RSRC1: variants seen among roughly 807,000 people sequenced by gnomAD.
RSRC1 encodes arginine and serine rich coiled-coil 1.
Under a neutral mutation model 49.1 loss-of-function variants are expected in RSRC1, and 39 were observed. That is an observed-to-expected ratio of 0.79 (90% confidence interval 0.61 to 1.04). The LOEUF (loss-of-function observed/expected upper bound fraction) is 1.04. RSRC1 is among the 50% of genes least tolerant of loss of function. The pLI is 0.00. For synonymous variants in RSRC1, 143 were observed against 130.8 expected, an observed-to-expected ratio of 1.09 and a Z score of -0.63; for missense variants, 388 against 402.4, an observed-to-expected ratio of 0.96 and a Z score of 0.31.
At chr3:158,181,156 G>A (rs1719603712) in intron 3 of RSRC1, among the ~76,000 whole-genome samples, 1 of 152,168 alleles carries the variant, frequency 6.6e-6, no homozygotes, top group Non-Finnish European at 1.5e-5. Flanking sequence ...CTAGGGATGA[G>A]AATCATTGAA....
chr3:158,157,779 G>T (rs1216432416), intron 3 of RSRC1, among the ~76,000 whole-genome samples: 2 of 152,114 alleles, frequency 1.3e-5, no homozygotes, highest in African/African-American at 4.8e-5. Flanking sequence ...GCCGGGCATG[G>T]TGGCACATGC....
chr3:158,132,824 A>G (rs1204470988), intron 3 of RSRC1, among the ~76,000 whole-genome samples: 1 of 152,208 alleles, frequency 6.6e-6, no homozygotes, highest in East Asian at 1.9e-4. Flanking sequence ...ATTTATTTGT[A>G]ATCCTTCAAT....
intron 6 of RSRC1, among the ~76,000 whole-genome samples, chr3:158,423,934 C>T (rs1348900442): frequency 6.6e-6 from 1 of 150,892 alleles, no homozygotes; most frequent in Non-Finnish European, 1.5e-5. Flanking sequence ...TATCCTGAGA[C>T]TTTGCTGAAG....
At chr3:158,342,438 TTCC>T (rs1367761083) in intron 5 of RSRC1, among the ~76,000 whole-genome samples, 4 of 152,168 alleles carry the variant, frequency 2.6e-5, no homozygotes, top group Non-Finnish European at 4.4e-5. Flanking sequence ...CTGCTTTTGC[TTCC>T]TCCTCATTTT....
At chr3:158,467,965 G>A (rs895016026) in intron 7 of RSRC1, among the ~76,000 whole-genome samples, 18 of 152,280 alleles carry the variant, frequency 1.2e-4, no homozygotes, top group African/African-American at 3.4e-4. Context: ...ACGGAGTCTC[G>A]CTCTGTCGCC....
intron 5 of RSRC1, among the ~76,000 whole-genome samples, chr3:158,321,267 TTCTTCC>T (rs1422754217): frequency 6.7e-4 from 80 of 119,476 alleles, no homozygotes; most frequent in African/African-American, 2.1e-3. Flanking sequence ...CTTCTTTTTC[TTCTTCC>T]TCTTCCTCTT....
At chr3:158,516,791 T>A (rs1327077911) in intron 7 of RSRC1, among the ~76,000 whole-genome samples, 1 of 152,036 alleles carries the variant, frequency 6.6e-6, no homozygotes, top group East Asian at 1.9e-4. Flanking sequence ...CGGGATATAA[T>A]CTCCTGGTGC....
intron 7 of RSRC1, among the ~76,000 whole-genome samples, chr3:158,483,887 A>G (rs1356468001): frequency 6.6e-6 from 1 of 152,084 alleles, no homozygotes; most frequent in Non-Finnish European, 1.5e-5. Flanking sequence ...TGGGAAATAA[A>G]TTTGGCAGAA....
chr3:158,518,388 T>C (rs923042990), intron 7 of RSRC1, among the ~76,000 whole-genome samples: 2 of 151,102 alleles, frequency 1.3e-5, no homozygotes, highest in African/African-American at 2.4e-5. Flanking sequence ...TTTTTTTTTG[T>C]CAAATGATTC....
At chr3:158,187,301 A>G (rs1051697754) in intron 3 of RSRC1, among the ~76,000 whole-genome samples, 2 of 152,024 alleles carry the variant, frequency 1.3e-5, no homozygotes, top group African/African-American at 4.8e-5. Flanking sequence ...ATCCTTGGTA[A>G]TAATAGGGGA....
intron 3 of RSRC1, chr3:158,132,041 T>C (rs1484800858): frequency 2.5e-6 from 1 of 394,644 alleles, no homozygotes; most frequent in Non-Finnish European, 5.3e-6. Flanking sequence ...TGGAGTGCAG[T>C]GGTGCAATCT....
intron 3 of RSRC1, among the ~76,000 whole-genome samples, chr3:158,132,650 T>C (rs1452898748): frequency 1.3e-5 from 2 of 152,210 alleles, no homozygotes; most frequent in African/African-American, 4.8e-5. Context: ...AACATCTAAG[T>C]AGTAAATGTC....
At chr3:158,219,630 T>C (rs554587127) in intron 4 of RSRC1, among the ~76,000 whole-genome samples, 1 of 151,622 alleles carries the variant, frequency 6.6e-6, no homozygotes, top group South Asian at 2.1e-4. Context: ...TGCCACAGGA[T>C]TTTTGACTTG....
At chr3:158,241,559 G>A (rs1723580567) in intron 4 of RSRC1, among the ~76,000 whole-genome samples, 1 of 151,220 alleles carries the variant, frequency 6.6e-6, no homozygotes, top group African/African-American at 2.4e-5. Flanking sequence ...CTAAAATCCT[G>A]CAGAGCTTAA....
At chr3:158,298,131 A>G (rs1277296101) in intron 5 of RSRC1, 56 bp downstream of exon 5, 1 of 1,283,112 alleles carries the variant, frequency 7.8e-7, no homozygotes, top group Non-Finnish European at 1.1e-6. Flanking sequence ...TGCATTCTAA[A>G]TGAACACTTT....
chr3:158,360,777 TGC>T (rs1731422781), intron 6 of RSRC1, among the ~76,000 whole-genome samples: 1 of 152,166 alleles, frequency 6.6e-6, no homozygotes, highest in Non-Finnish European at 1.5e-5. Flanking sequence ...CCCTCAAGCC[TGC>T]AAGGGCAAGG....
In RSRC1 at chr3:158,469,405, A is replaced by G. The variant is rs1196851506; in HGVS notation, c.652+8402A>G. 1.1e-5 allele frequency: 5 copies of G among 445,454 alleles called. No individual in the cohort carries two copies. The East Asian group carries it at 2.1e-4, about 19-fold the overall frequency. 27.6% of individuals were successfully genotyped at this position (445,454 alleles called of 1,614,324 possible). On this transcript the variant is annotated intron_variant, in intron 7 of 9. Transcript: ENST00000611884. ...GCTGCAAAAATGATTCCCATGATGCATATATGATTCCTGTCTGTGGAATCA... is the reference window on the plus strand; with the variant it reads ...GCTGCAAAAATGATTCCCATGATGCGTATATGATTCCTGTCTGTGGAATCA...
At chr3:158,451,908 G>T (rs1737063781) in intron 6 of RSRC1, among the ~76,000 whole-genome samples, 1 of 151,998 alleles carries the variant, frequency 6.6e-6, no homozygotes, top group African/African-American at 2.4e-5. Flanking sequence ...AGGCTCATGG[G>T]ATTTAATAGT....
At chr3:158,147,495 C>T (rs1460465546) in intron 3 of RSRC1, among the ~76,000 whole-genome samples, 1 of 147,592 alleles carries the variant, frequency 6.8e-6, no homozygotes, top group Non-Finnish European at 1.5e-5. Flanking sequence ...AATCTATGTT[C>T]CATATCTTTA....
Sources: gnomAD v4.1 joint callset for allele counts (sites outside exome capture counted in the v4.1 genomes callset) on GRCh38, gnomAD v4.1.1 for gene constraint, MANE v1.5 for transcripts, NCBI Gene and HGNC (gene_info 2026-07-23, HGNC 2026-07-21) for gene names.